The following TLL1 variants were observed in gnomAD, a reference collection of about 807,000 sequenced individuals.
TLL1 encodes tolloid-like protein 1.
A neutral mutation model predicts 128.2 loss-of-function variants in TLL1; 49 were observed. The observed-to-expected ratio is 0.38, with a 90% CI of 0.30 to 0.48. TLL1 has a LOEUF of 0.48. Ranked by LOEUF, TLL1 falls within the 20% of genes least tolerant of loss-of-function variation. The probability of loss-of-function intolerance (pLI) is 0.96; values close to 1 mark genes in which losing one functional copy is unlikely to be tolerated. For synonymous variants in TLL1, 454 were observed against 418.8 expected, an observed-to-expected ratio of 1.08 and a Z score of -1.03; for missense variants, 1,123 against 1,242.0, an observed-to-expected ratio of 0.90 and a Z score of 1.44.
chr4:165,917,471 T>A (rs1022985085), intron 1 of TLL1, among the ~76,000 whole-genome samples: 1 of 152,186 alleles, frequency 6.6e-6, no homozygotes, highest in East Asian at 1.9e-4. Flanking sequence ...TGGCTCTTAG[T>A]ATTTAATAGG....
chr4:166,096,229 G>A (rs1374321996), intron 19 of TLL1, among the ~76,000 whole-genome samples: 1 of 151,912 alleles, frequency 6.6e-6, no homozygotes, highest in African/African-American at 2.4e-5. Flanking sequence ...GTGTGTGTGT[G>A]TGTGTGTGTG....
At chr4:166,038,651 C>T (rs1739105677) in intron 9 of TLL1, among the ~76,000 whole-genome samples, 1 of 152,142 alleles carries the variant, frequency 6.6e-6, no homozygotes, top group South Asian at 2.1e-4. Flanking sequence ...AGAATTGTCT[C>T]TTGAGTTATC....
chr4:166,014,345 C>T, intron 7 of TLL1, 91 bp from the exon 8 acceptor site: 4 of 1,586,928 alleles, frequency 2.5e-6, no homozygotes, highest in Non-Finnish European at 3.4e-6. Flanking sequence ...CTTTGATTGA[C>T]TTGAGTTTGA....
At chr4:165,935,461 G>A (rs1733720510) in intron 1 of TLL1, among the ~76,000 whole-genome samples, 1 of 152,038 alleles carries the variant, frequency 6.6e-6, no homozygotes, top group African/African-American at 2.4e-5. Flanking sequence ...TTAGACCTTA[G>A]TATTATAAAA....
At chr4:165,939,911 G>A (rs994967945) in intron 1 of TLL1, among the ~76,000 whole-genome samples, 2 of 151,848 alleles carry the variant, frequency 1.3e-5, no homozygotes, top group African/African-American at 2.4e-5. Flanking sequence ...TGTAGCATTC[G>A]ACACACGTAT....
intron 1 of TLL1, among the ~76,000 whole-genome samples, chr4:165,926,959 T>C (rs905607976): frequency 1.3e-5 from 2 of 152,230 alleles, no homozygotes; most frequent in Non-Finnish European, 2.9e-5. Flanking sequence ...TCAGTTTCTT[T>C]TTCAAAAATA....
chr4:165,975,898 C>T (rs1009657015), intron 1 of TLL1, among the ~76,000 whole-genome samples: 4 of 151,608 alleles, frequency 2.6e-5, no homozygotes, highest in Non-Finnish European at 4.4e-5. Context: ...CTTAGCTGGG[C>T]GTGGTGGTGT....
At chr4:166,092,589 A>G (rs1241043720) in intron 19 of TLL1, among the ~76,000 whole-genome samples, 1 of 152,074 alleles carries the variant, frequency 6.6e-6, no homozygotes, top group Non-Finnish European at 1.5e-5. Flanking sequence ...AAATCCTATT[A>G]CTTAATCAAT....
At chr4:165,993,504 G>T (rs1736733579) in intron 3 of TLL1, among the ~76,000 whole-genome samples, 1 of 151,992 alleles carries the variant, frequency 6.6e-6, no homozygotes, top group Non-Finnish European at 1.5e-5. Context: ...TTAAATGCTT[G>T]AAGTACATAT....
At chr4:166,044,992 C>T (rs938229635) in intron 12 of TLL1, among the ~76,000 whole-genome samples, 14 of 152,008 alleles carry the variant, frequency 9.2e-5, no homozygotes, top group Non-Finnish European at 5.9e-5. Context: ...AATAAGATAA[C>T]ATAAGGACAA....
chr4:166,060,367 A>G (rs28380606), intron 15 of TLL1, among the ~76,000 whole-genome samples, 179 bp downstream of exon 15: 65,944 of 151,830 alleles, frequency 0.43, 15,587 homozygotes, highest in African/African-American at 0.63. Context: ...GATACTTTAG[A>G]CTCTTTCTGG....
At chr4:165,877,891 AG>A (rs1730792762) in intron 1 of TLL1, among the ~76,000 whole-genome samples, 1 of 151,988 alleles carries the variant, frequency 6.6e-6, no homozygotes, top group South Asian at 2.1e-4. Context: ...TTTTGGGTAG[AG>A]GGGTATAGAA....
At chr4:165,918,611 G>A (rs751773002) in intron 1 of TLL1, among the ~76,000 whole-genome samples, 8 of 151,934 alleles carry the variant, frequency 5.3e-5, no homozygotes, top group Non-Finnish European at 1.2e-4. Flanking sequence ...GATCACTGCT[G>A]TAAATCTTGG....
intron 1 of TLL1, among the ~76,000 whole-genome samples, chr4:165,940,624 AT>A (rs972647316): frequency 5.9e-5 from 9 of 152,042 alleles, no homozygotes; most frequent in East Asian, 1.9e-4. Context: ...GTTCAAAAAA[AT>A]GTTTCTCATT....
chr4:166,100,595 A>G, intron 20 of TLL1, 147 bp from the exon 21 acceptor site: 1 of 1,040,196 alleles, frequency 9.6e-7, no homozygotes, highest in Non-Finnish European at 1.5e-6. Flanking sequence ...TATAAAGTGA[A>G]GAAGTTGATT....
At chr4:166,072,394 TTTC>T (rs1205339592) in intron 16 of TLL1, among the ~76,000 whole-genome samples, 2 of 151,900 alleles carry the variant, frequency 1.3e-5, no homozygotes, top group Middle Eastern at 3.2e-3. Context: ...CTTCCTCTTC[TTTC>T]TTTTCTTTTT....
intron 8 of TLL1, among the ~76,000 whole-genome samples, chr4:166,018,014 G>T (rs1488598105): frequency 6.6e-6 from 1 of 152,142 alleles, no homozygotes; most frequent in African/African-American, 2.4e-5. Context: ...TCTTAATAGG[G>T]TGACTCATCT....
At chr4:166,008,128 G>A (rs1313417269) in intron 7 of TLL1, 80 bp downstream of exon 7, 20 of 976,350 alleles carry the variant, frequency 2.0e-5, no homozygotes, top group Non-Finnish European at 3.3e-5. Context: ...CCTGACATTA[G>A]AACTAGAATT....
At chr4:166,086,434 T>C (rs1013586405) in intron 18 of TLL1, among the ~76,000 whole-genome samples, 2 of 152,146 alleles carry the variant, frequency 1.3e-5, no homozygotes, top group Non-Finnish European at 2.9e-5. Flanking sequence ...GTAACTTTTC[T>C]GTTGCATGTG....
Sources: allele counts gnomAD v4.1 joint callset (sites outside exome capture counted in the v4.1 genomes callset), GRCh38; gene constraint gnomAD v4.1.1; transcripts MANE v1.5; gene names NCBI Gene and HGNC (gene_info 2026-07-23, HGNC 2026-07-21).